Variants in SGCZ observed in about 807,000 individuals in gnomAD.
SGCZ encodes sarcoglycan zeta.
A neutral mutation model predicts 41.3 loss-of-function variants in SGCZ; 40 were observed. That is an observed-to-expected ratio of 0.97 (90% confidence interval 0.75 to 1.26). The LOEUF (loss-of-function observed/expected upper bound fraction) is 1.26, where lower values mean the gene tolerates loss of function less well. SGCZ is among the 50% of genes most tolerant of loss of function. SGCZ has a pLI of 0.00. For synonymous variants in SGCZ, 206 were observed against 137.5 expected (o/e 1.50, Z -3.49); for missense variants, 552 against 369.8 (o/e 1.49, Z -4.04).
In SGCZ at chr8:14,935,308, T is replaced by A. The variant is rs1308145364; in HGVS notation, c.39+302277A>T. Among the ~76,000 whole-genome samples the A allele has an allele frequency of 1.3e-5, 2 of 151,812 alleles. 1 individual carries two copies. The highest frequency in any genetic ancestry group is 4.8e-5 in the African/African-American group (2 of 41,334). ...TTCCATTATTTGCTTAATACTACAT[T>A]TGTGACATTCTTCCATGTTGACATA... On this transcript the variant is annotated intron_variant, in intron 1 of 7. Coordinates refer to ENST00000382080, the MANE Select transcript of SGCZ (RefSeq NM_139167.4).
chr8:15,014,319 T>G (rs1802944170), intron 1 of SGCZ, among the ~76,000 whole-genome samples: 1 of 152,152 alleles, frequency 6.6e-6, no homozygotes, highest in South Asian at 2.1e-4. Context: ...CCCAAGGCAT[T>G]GATGCCAGGG....
At chr8:14,716,253 T>G (rs1263159683) in intron 1 of SGCZ, among the ~76,000 whole-genome samples, 1 of 151,974 alleles carries the variant, frequency 6.6e-6, no homozygotes, top group Non-Finnish European at 1.5e-5. Flanking sequence ...CAGAGATTAA[T>G]GTAGAAAACA....
chr8:14,120,956 GAAT>G (rs1252293057), intron 5 of SGCZ, among the ~76,000 whole-genome samples: 1 of 152,042 alleles, frequency 6.6e-6, no homozygotes, highest in Non-Finnish European at 1.5e-5. Flanking sequence ...AGAATATCAG[GAAT>G]AATAAGGCAA....
At chr8:14,551,533 AATATATATAATATATATAATATATATT>A (rs1563404603) in intron 2 of SGCZ, among the ~76,000 whole-genome samples, 16 of 12,174 alleles carry the variant, frequency 1.3e-3, no homozygotes, top group South Asian at 9.7e-3. Flanking sequence ...TAATATATAT[AATATATATAATATATATAATATATATT>A]ATATATATAA....
intron 1 of SGCZ, among the ~76,000 whole-genome samples, chr8:15,026,569 G>A (rs1803464043): frequency 6.6e-6 from 1 of 152,162 alleles, no homozygotes; most frequent in Non-Finnish European, 1.5e-5. Flanking sequence ...AATCCCAGCT[G>A]TGCTCAGATA....
At chr8:15,009,394 C>T (rs905048437) in intron 1 of SGCZ, among the ~76,000 whole-genome samples, 2 of 37,422 alleles carry the variant, frequency 5.3e-5, no homozygotes, top group African/African-American at 8.5e-5. Context: ...CAGGCCCCAC[C>T]TCCAACGTTG....
chr8:14,566,844 G>C (rs941205673), intron 1 of SGCZ, among the ~76,000 whole-genome samples: 7 of 152,318 alleles, frequency 4.6e-5, no homozygotes, highest in South Asian at 2.1e-4. Flanking sequence ...GGCAGGAACC[G>C]GGGCTGCACA....
intron 1 of SGCZ, among the ~76,000 whole-genome samples, chr8:15,050,870 C>T (rs1403117994): frequency 6.6e-6 from 1 of 152,070 alleles, no homozygotes. Context: ...TTAGCATATG[C>T]CTGAATGTTT....
At chr8:15,147,846 A>G (rs1799077863) in intron 1 of SGCZ, among the ~76,000 whole-genome samples, 2 of 152,180 alleles carry the variant, frequency 1.3e-5, no homozygotes, top group Non-Finnish European at 2.9e-5. Flanking sequence ...TCCATGTAAT[A>G]TATACTATGA....
At chr8:14,919,854 G>C in intron 1 of SGCZ, among the ~76,000 whole-genome samples, 1 of 152,128 alleles carries the variant, frequency 6.6e-6, no homozygotes, top group African/African-American at 2.4e-5. Flanking sequence ...GGAGGCAGAG[G>C]TTGCAGTGAG....
Position 14,556,376 on chromosome 8 carries a change from T to C in SGCZ, c.40-1450A>G, listed in dbSNP as rs556152077. Among the ~76,000 whole-genome samples, 4 of 151,934 alleles carry C rather than the reference T, an allele frequency of 2.6e-5. No individual in the cohort carries two copies. The South Asian group carries it at 6.2e-4, about 24-fold the overall frequency. Reference sequence around the variant, plus strand: ...ATTATATGTTAAGTAATATAAAATATATGTACTATACAATTATCATTGTAA... The same window carrying C: ...ATTATATGTTAAGTAATATAAAATACATGTACTATACAATTATCATTGTAA... On this transcript the variant is annotated intron_variant, in intron 1 of 7. Transcript: ENST00000382080.
chr8:15,021,274 A>G (rs550713579), intron 1 of SGCZ, among the ~76,000 whole-genome samples: 2 of 152,322 alleles, frequency 1.3e-5, no homozygotes, highest in Admixed American at 6.5e-5. Context: ...TAATTTGATT[A>G]TATCTGACTA....
chr8:14,471,339 A>G (rs1180279916), intron 2 of SGCZ, among the ~76,000 whole-genome samples: 1 of 152,142 alleles, frequency 6.6e-6, no homozygotes, highest in South Asian at 2.1e-4. Context: ...CTTATAAATC[A>G]TACTTATAGA....
At chr8:14,803,290 T>C (rs1801389526) in intron 1 of SGCZ, among the ~76,000 whole-genome samples, 1 of 151,854 alleles carries the variant, frequency 6.6e-6, no homozygotes, top group East Asian at 2.0e-4. Context: ...AGAAGACGGG[T>C]GATTTCTGCA....
chr8:14,225,566 GT>G (rs1806344604), intron 4 of SGCZ, among the ~76,000 whole-genome samples: 1 of 152,052 alleles, frequency 6.6e-6, no homozygotes, highest in African/African-American at 2.4e-5. Context: ...GGTTCATTGG[GT>G]TTTATGCTAG....
chr8:14,868,283 T>C (rs1390335737), intron 1 of SGCZ, among the ~76,000 whole-genome samples: 1 of 152,192 alleles, frequency 6.6e-6, no homozygotes, highest in African/African-American at 2.4e-5. Flanking sequence ...TCTGCTCAAA[T>C]CTTGCATCTT....
chr8:14,589,541 A>C (rs1252327700), intron 1 of SGCZ, among the ~76,000 whole-genome samples: 1 of 152,160 alleles, frequency 6.6e-6, no homozygotes, highest in Non-Finnish European at 1.5e-5. Flanking sequence ...AGTCTTTCAA[A>C]AATGAATCTT....
At chr8:14,283,506 C>A (rs1554493519) in intron 3 of SGCZ, among the ~76,000 whole-genome samples, 1 of 152,230 alleles carries the variant, frequency 6.6e-6, no homozygotes, top group Non-Finnish European at 1.5e-5. Flanking sequence ...ACACTCTTTT[C>A]ATATATATAT....
rs563951817 is a variant in SGCZ, at chr8:14,359,920, A to G, written c.235-35716T>C. Among the ~76,000 whole-genome samples, 18 of 152,290 alleles carry G rather than the reference A, an allele frequency of 1.2e-4. No homozygotes were observed. The South Asian group carries it at 3.7e-3, about 32-fold the overall frequency. On this transcript the variant is annotated intron_variant, in intron 2 of 7. Coordinates refer to ENST00000382080, the MANE Select transcript of SGCZ (RefSeq NM_139167.4). The stretch of plus-strand genomic sequence containing the variant: ...TATGTTAAAAAGATCATTCATCATG[A>G]CCCATTGGGATTTATCTCACGGATG...
Sources: gnomAD v4.1 joint callset for allele counts (sites outside exome capture counted in the v4.1 genomes callset) on GRCh38, gnomAD v4.1.1 for gene constraint, MANE v1.5 for transcripts, NCBI Gene and HGNC (gene_info 2026-07-23, HGNC 2026-07-21) for gene names.